The following CNTNAP2 variants were observed in gnomAD, a reference collection of about 807,000 sequenced individuals.
The protein encoded by CNTNAP2 is contactin associated protein 2, also known as contactin-associated protein-like 2.
CNTNAP2 carries 98 observed loss-of-function variants against 155.2 expected under a neutral mutation model. The observed-to-expected ratio is 0.63, with a 90% CI of 0.54 to 0.75. The LOEUF (loss-of-function observed/expected upper bound fraction) is 0.75. Among genes scored for constraint, CNTNAP2 ranks in the 30% least tolerant of loss-of-function variants. The pLI, the probability that CNTNAP2 is intolerant of heterozygous loss-of-function variation, is 0.00. For synonymous variants in CNTNAP2, 651 were observed against 631.2 expected (o/e 1.03, Z -0.47); for missense variants, 1,727 against 1,688.1 (o/e 1.02, Z -0.40).
chr7:146,649,705 G>T (rs185453724), intron 1 of CNTNAP2, among the ~76,000 whole-genome samples: 2 of 152,066 alleles, frequency 1.3e-5, no homozygotes, highest in Non-Finnish European at 2.9e-5. Flanking sequence ...TCCATTTTTA[G>T]TGATGTTATT....
intron 13 of CNTNAP2, among the ~76,000 whole-genome samples, chr7:147,689,730 T>G (rs1382891467): frequency 6.6e-6 from 1 of 152,046 alleles, no homozygotes; most frequent in African/African-American, 2.4e-5. Flanking sequence ...TGTGAAAATT[T>G]TGTGTGATTA....
At chr7:147,530,581 C>T (rs535537115) in intron 11 of CNTNAP2, among the ~76,000 whole-genome samples, 160 of 152,244 alleles carry the variant, frequency 1.1e-3, no homozygotes, top group Non-Finnish European at 2.0e-3. Flanking sequence ...TTGACTACCA[C>T]AAAAATAGCA....
intron 13 of CNTNAP2, among the ~76,000 whole-genome samples, chr7:147,669,371 T>A (rs1795750152): frequency 1.3e-5 from 2 of 152,222 alleles, no homozygotes; most frequent in African/African-American, 4.8e-5. Flanking sequence ...TATGTTAAAA[T>A]GAACAGCCTT....
chr7:146,668,711 C>G (rs1016343696), intron 1 of CNTNAP2, among the ~76,000 whole-genome samples: 2 of 151,994 alleles, frequency 1.3e-5, no homozygotes, highest in Admixed American at 1.3e-4. Flanking sequence ...TCTCCTTCTT[C>G]CTGGTCCAAT....
chr7:147,779,024 C>T (rs1358214419), intron 13 of CNTNAP2, among the ~76,000 whole-genome samples: 2 of 152,094 alleles, frequency 1.3e-5, no homozygotes, highest in Non-Finnish European at 2.9e-5. Flanking sequence ...AAAAATAAGG[C>T]TAGCATGAGA....
At position 148,217,311 on chromosome 7, in the gene CNTNAP2, G is replaced by A. The variant is rs1795658950; in HGVS notation, c.3034G>A (p.Gly1012Arg). 1.2e-6 allele frequency: 2 copies of A among 1,613,924 alleles called. No homozygotes were observed. The highest frequency in any genetic ancestry group is 1.7e-4 in the Middle Eastern group (1 of 6,058). The part of the protein sequence containing the change: ...NKDVGAFFEE[G>R]MWLRYNFQAP... ...AGATGTTGGTGCATTTTTTGAAGAA[G>A]GGATGTGGCTACGATATAACTTTCA... The change falls in exon 19 of 24, where the codon GGG becomes AGG. Residue 1012 changes from glycine to arginine, a missense_variant. By Grantham distance (125) the Gly-to-Arg change is moderately radical (BLOSUM62 -2). Coordinates refer to ENST00000361727, the MANE Select transcript of CNTNAP2 (RefSeq NM_014141.6).
At chr7:148,251,469 T>G in intron 20 of CNTNAP2, among the ~76,000 whole-genome samples, 1 of 151,122 alleles carries the variant, frequency 6.6e-6, no homozygotes, top group South Asian at 2.1e-4. Context: ...GTGTCCAAAG[T>G]TTTTTTTAGA....
chr7:147,937,429 A>G (rs984090900), intron 14 of CNTNAP2, among the ~76,000 whole-genome samples: 1 of 152,176 alleles, frequency 6.6e-6, no homozygotes, highest in Non-Finnish European at 1.5e-5. Context: ...GTTAGTGACC[A>G]ATATACCTAT....
chr7:146,515,301 A>G (rs1308980631), intron 1 of CNTNAP2, among the ~76,000 whole-genome samples: 1 of 152,094 alleles, frequency 6.6e-6, no homozygotes, highest in Non-Finnish European at 1.5e-5. Flanking sequence ...ATAATAGAGA[A>G]GCTGGCTGCC....
intron 12 of CNTNAP2, among the ~76,000 whole-genome samples, chr7:147,616,464 T>G (rs1403658878): frequency 6.6e-6 from 1 of 152,206 alleles, no homozygotes; most frequent in Non-Finnish European, 1.5e-5. Context: ...CTTTTTGTCT[T>G]ATATCATTTC....
chr7:147,637,712 A>G (rs1022240279), intron 12 of CNTNAP2, among the ~76,000 whole-genome samples: 1 of 152,164 alleles, frequency 6.6e-6, no homozygotes, highest in Non-Finnish European at 1.5e-5. Flanking sequence ...ATTTAGGTCT[A>G]TAGACTTGGT....
chr7:148,025,344 T>C (rs1313099452), intron 15 of CNTNAP2, among the ~76,000 whole-genome samples: 2 of 152,200 alleles, frequency 1.3e-5, no homozygotes, highest in Admixed American at 1.3e-4. Flanking sequence ...TTCATCCAGA[T>C]ACTGACTCAG....
chr7:146,315,236 C>A (rs1451315032), intron 1 of CNTNAP2, among the ~76,000 whole-genome samples: 1 of 152,126 alleles, frequency 6.6e-6, no homozygotes, highest in Non-Finnish European at 1.5e-5. Flanking sequence ...AGAGGCAGTT[C>A]AAATTCTTCT....
intron 1 of CNTNAP2, among the ~76,000 whole-genome samples, chr7:146,416,020 T>C (rs1163916607): frequency 2.0e-5 from 3 of 151,952 alleles, no homozygotes; most frequent in African/African-American, 7.2e-5. Flanking sequence ...CAAAGTCACA[T>C]AAAAAATATT....
chr7:148,405,564 G>A (rs1401659479), intron 22 of CNTNAP2, among the ~76,000 whole-genome samples: 2 of 132,356 alleles, frequency 1.5e-5, no homozygotes, highest in Non-Finnish European at 3.1e-5. Context: ...AGCCTCCTGA[G>A]TAGCTGGGAC....
At chr7:147,423,621 G>T (rs959498843) in intron 10 of CNTNAP2, among the ~76,000 whole-genome samples, 1 of 152,074 alleles carries the variant, frequency 6.6e-6, no homozygotes, top group African/African-American at 2.4e-5. Flanking sequence ...ATTCTTTGGA[G>T]TTTTCAATAT....
intron 21 of CNTNAP2, among the ~76,000 whole-genome samples, chr7:148,299,905 AAAT>A (rs1285963336): frequency 6.6e-6 from 1 of 152,234 alleles, no homozygotes; most frequent in African/African-American, 2.4e-5. Flanking sequence ...AGCTAACACT[AAAT>A]AATAATAACT....
At chr7:147,739,739 G>A (rs367947423) in intron 13 of CNTNAP2, among the ~76,000 whole-genome samples, 2 of 151,892 alleles carry the variant, frequency 1.3e-5, no homozygotes, top group Admixed American at 6.6e-5. Context: ...AGTCTATGCT[G>A]GCTCTCATAC....
At chr7:147,579,529 T>C (rs568442435) in intron 12 of CNTNAP2, among the ~76,000 whole-genome samples, 10 of 152,318 alleles carry the variant, frequency 6.6e-5, no homozygotes, top group African/African-American at 2.4e-4. Flanking sequence ...GTTTACATTA[T>C]TAATATGCCA....
Sources: gnomAD v4.1 joint callset for allele counts (sites outside exome capture counted in the v4.1 genomes callset) on GRCh38, gnomAD v4.1.1 for gene constraint, MANE v1.5 for transcripts, NCBI Gene and HGNC (gene_info 2026-07-23, HGNC 2026-07-21) for gene names.